RASAL2: variants seen among roughly 807,000 people sequenced by gnomAD.
RASAL2 encodes RAS protein activator like 2.
RASAL2 carries 58 observed loss-of-function variants against 128.9 expected under a neutral mutation model. The ratio of observed to expected loss-of-function variants is 0.45; its 90% CI spans 0.36 to 0.56. The LOEUF is 0.56. Ranked by LOEUF, RASAL2 falls within the 20% of genes least tolerant of loss-of-function variation. The pLI, the probability that RASAL2 is intolerant of heterozygous loss-of-function variation, is 0.00. For synonymous variants in RASAL2, 561 were observed against 580.8 expected, an observed-to-expected ratio of 0.97 and a Z score of 0.49; for missense variants, 1,360 against 1,601.6, an observed-to-expected ratio of 0.85 and a Z score of 2.57.
At chr1:178,113,005 G>A (rs895512087) in intron 1 of RASAL2, among the ~76,000 whole-genome samples, 1 of 151,950 alleles carries the variant, frequency 6.6e-6, no homozygotes, top group Non-Finnish European at 1.5e-5. Flanking sequence ...TATAGTTTTT[G>A]TCCTATCATC....
intron 1 of RASAL2, among the ~76,000 whole-genome samples, chr1:178,248,170 G>A (rs566197920): frequency 2.6e-5 from 4 of 152,254 alleles, no homozygotes; most frequent in South Asian, 2.1e-4. Context: ...ACAGTGGGGT[G>A]TTAAAATCTC....
Position 178,337,727 on chromosome 1 carries a change from A to G in RASAL2, c.457+37609A>G, listed in dbSNP as rs1167606600. On this transcript the variant is annotated intron_variant, in intron 3 of 17. Coordinates refer to ENST00000367649, the MANE Select transcript of RASAL2 (RefSeq NM_170692.4). ...TTATTTGATAAGCAATAAAATTGAT[A>G]TGCAAGTAATTTTTTTTTTTTGAGA... Among the ~76,000 whole-genome samples the G allele has an allele frequency of 2.0e-5, 3 of 150,682 alleles. No homozygotes were observed. The East Asian group carries it at 5.8e-4, about 29-fold the overall frequency.
intron 1 of RASAL2, among the ~76,000 whole-genome samples, chr1:178,154,395 G>A (rs1036714348): frequency 6.6e-6 from 1 of 151,840 alleles, no homozygotes; most frequent in East Asian, 1.9e-4. Flanking sequence ...GCAGTCCTCC[G>A]GCCTTGGCTT....
At chr1:178,306,760 G>C (rs1186589403) in intron 3 of RASAL2, among the ~76,000 whole-genome samples, 2 of 150,402 alleles carry the variant, frequency 1.3e-5, no homozygotes, top group Non-Finnish European at 2.9e-5. Context: ...TTTTCTTCTT[G>C]TAAATTTGTT....
intron 3 of RASAL2, among the ~76,000 whole-genome samples, chr1:178,311,452 A>G (rs887452415): frequency 3.3e-5 from 5 of 152,188 alleles, no homozygotes; most frequent in African/African-American, 4.8e-5. Context: ...GCAGATCCCC[A>G]GGTCTCCTCC....
chr1:178,278,628 CA>C (rs146828307), intron 1 of RASAL2, among the ~76,000 whole-genome samples: 5,652 of 152,214 alleles, frequency 0.037, 323 homozygotes, highest in African/African-American at 0.13. Flanking sequence ...AAATTTCTCA[CA>C]GCAATTTTTT....
intron 1 of RASAL2, among the ~76,000 whole-genome samples, chr1:178,185,565 G>C (rs79166649): frequency 0.063 from 9,580 of 151,594 alleles, 373 homozygotes; most frequent in Middle Eastern, 0.092. Context: ...ATGAACTCAT[G>C]TCATGGGGAG....
intron 1 of RASAL2, among the ~76,000 whole-genome samples, chr1:178,257,462 T>C (rs1665423385): frequency 6.6e-6 from 1 of 151,424 alleles, no homozygotes; most frequent in African/African-American, 2.4e-5. Flanking sequence ...TGTGTAGAAA[T>C]AAAATCAAGT....
chr1:178,194,127 A>G (rs1446636674), intron 1 of RASAL2, among the ~76,000 whole-genome samples: 1 of 152,204 alleles, frequency 6.6e-6, no homozygotes, highest in Non-Finnish European at 1.5e-5. Context: ...CATGAGAACA[A>G]GAACTATCAC....
Position 178,458,359 on chromosome 1 carries a change from G to T in RASAL2, c.3067G>T (p.Ala1023Ser), listed in dbSNP as rs1161980157. The change falls in exon 14 of 18, where the codon GCC (alanine) becomes TCC (serine). Residue 1023 changes from alanine (A) to serine (S), a missense_variant. Coordinates refer to ENST00000367649, the MANE Select transcript of RASAL2 (RefSeq NM_170692.4). ...KVDQGGLGAR[A>S]KAPPSLPHSA... ...GGACCAGGGTGGGTTAGGTGCCCGAGCCAAAGCCCCACCATCCCTGCCACA... is the reference window on the plus strand; with the variant it reads ...GGACCAGGGTGGGTTAGGTGCCCGATCCAAAGCCCCACCATCCCTGCCACA... 6.2e-7 allele frequency: 1 copy of T among 1,614,108 alleles called. No individual in the cohort carries two copies. The highest frequency in any genetic ancestry group is 1.3e-5 in the African/African-American group (1 of 74,946).
chr1:178,404,429 AGAGCGTAGTG>A (rs762370299), intron 4 of RASAL2, among the ~76,000 whole-genome samples: 1 of 149,504 alleles, frequency 6.7e-6, no homozygotes, highest in Non-Finnish European at 1.5e-5. Flanking sequence ...TCGCCAGGCT[AGAGCGTAGTG>A]GTGCCATCTC....
At chr1:178,441,462 A>T in intron 6 of RASAL2, 87 bp from the exon 7 acceptor site, 2 of 860,326 alleles carry the variant, frequency 2.3e-6, no homozygotes, top group Non-Finnish European at 3.8e-6. Flanking sequence ...CTTATCATTT[A>T]AGAGTTAGAG....
chr1:178,122,131 GCTGA>G (rs1391758181), intron 1 of RASAL2, among the ~76,000 whole-genome samples: 2 of 152,146 alleles, frequency 1.3e-5, no homozygotes. Flanking sequence ...AATCCATGGA[GCTGA>G]CTCTCATTGT....
chr1:178,145,606 A>G (rs933351280), intron 1 of RASAL2, among the ~76,000 whole-genome samples: 2 of 152,082 alleles, frequency 1.3e-5, no homozygotes, highest in Admixed American at 6.5e-5. Flanking sequence ...GACAGCATAA[A>G]ACAAAACTCA....
intron 1 of RASAL2, among the ~76,000 whole-genome samples, chr1:178,170,779 A>G (rs1661680176): frequency 1.3e-5 from 2 of 151,820 alleles, no homozygotes; most frequent in Admixed American, 1.3e-4. Context: ...CAGCAATTCA[A>G]CATAAATGCA....
At chr1:178,431,525 C>G (rs547821880) in intron 5 of RASAL2, among the ~76,000 whole-genome samples, 1 of 152,100 alleles carries the variant, frequency 6.6e-6, no homozygotes, top group South Asian at 2.1e-4. Flanking sequence ...GTAATTGAGC[C>G]ATATCAAAAA....
At chr1:178,102,203 A>G (rs1658925377) in intron 1 of RASAL2, among the ~76,000 whole-genome samples, 1 of 152,228 alleles carries the variant, frequency 6.6e-6, no homozygotes, top group Non-Finnish European at 1.5e-5. Flanking sequence ...TTAAAAATTA[A>G]TACCCTTTTT....
At chr1:178,107,791 T>C (rs1331789176) in intron 1 of RASAL2, among the ~76,000 whole-genome samples, 1 of 152,208 alleles carries the variant, frequency 6.6e-6, no homozygotes, top group African/African-American at 2.4e-5. Flanking sequence ...GTATAAAAAT[T>C]TCATTTTTTA....
At chr1:178,327,466 C>T (rs1669090821) in intron 3 of RASAL2, among the ~76,000 whole-genome samples, 1 of 152,150 alleles carries the variant, frequency 6.6e-6, no homozygotes, top group Non-Finnish European at 1.5e-5. Context: ...CCACTTCAGC[C>T]TCCTGAGTAG....
Sources: gnomAD v4.1 joint callset for allele counts (sites outside exome capture counted in the v4.1 genomes callset) on GRCh38, gnomAD v4.1.1 for gene constraint, MANE v1.5 for transcripts, NCBI Gene and HGNC (gene_info 2026-07-23, HGNC 2026-07-21) for gene names.